The following CSMD1 variants were observed in gnomAD, a reference collection of about 807,000 sequenced individuals.
CSMD1 encodes CUB and sushi domain-containing protein 1.
A neutral mutation model predicts 417.5 loss-of-function variants in CSMD1; 213 were observed. The ratio of observed to expected loss-of-function variants is 0.51; its 90% CI spans 0.46 to 0.57. The LOEUF (loss-of-function observed/expected upper bound fraction) is 0.57, where lower values mean the gene tolerates loss of function less well. CSMD1 is among the 20% of genes least tolerant of loss of function. CSMD1 has a pLI of 0.00. For synonymous variants in CSMD1, 2,862 were observed against 1,736.8 expected (o/e 1.65, Z -16.11); for missense variants, 6,923 against 4,529.7 (o/e 1.53, Z -15.17).
At chr8:4,026,110 A>T (rs1797052422) in intron 4 of CSMD1, among the ~76,000 whole-genome samples, 1 of 152,148 alleles carries the variant, frequency 6.6e-6, no homozygotes, top group African/African-American at 2.4e-5. Context: ...CGTGTGAATT[A>T]TCTCAGTCCA....
At chr8:4,727,757 T>G (rs184956931) in intron 1 of CSMD1, among the ~76,000 whole-genome samples, 1 of 151,978 alleles carries the variant, frequency 6.6e-6, no homozygotes, top group East Asian at 1.9e-4. Context: ...GAATCTCAGT[T>G]AAGGGCTGCT....
At chr8:3,598,433 G>T (rs920437837) in intron 8 of CSMD1, 7 of 152,138 alleles carry the variant, frequency 4.6e-5, no homozygotes, top group Admixed American at 3.9e-4. Context: ...TTTCCCTCAG[G>T]GTTTTTACAC....
At chr8:3,806,441 A>C (rs1168639085) in intron 5 of CSMD1, among the ~76,000 whole-genome samples, 1 of 152,214 alleles carries the variant, frequency 6.6e-6, no homozygotes, top group Non-Finnish European at 1.5e-5. Flanking sequence ...CATGGCCTGA[A>C]TAATGAAGGC....
intron 1 of CSMD1, among the ~76,000 whole-genome samples, chr8:4,827,686 C>G (rs376978693): frequency 9.9e-5 from 15 of 152,152 alleles, no homozygotes; most frequent in African/African-American, 3.6e-4. Context: ...TGAAAAACAT[C>G]CATTGAGTAG....
chr8:3,717,486 C>A lies in CSMD1; in HGVS notation c.932-8995G>T, dbSNP rs180806207. Among the ~76,000 whole-genome samples, 5 of 152,090 alleles carry A rather than the reference C, an allele frequency of 3.3e-5. No individual in the cohort carries two copies. In the East Asian group the frequency reaches 9.7e-4, roughly 29 times the overall value. Reference sequence around the variant, plus strand: ...ATGAAGATATTGTTGTAGGACGTTCCCCTTAGTTCAGCTAAAAACAGGGTC... The same window carrying A: ...ATGAAGATATTGTTGTAGGACGTTCACCTTAGTTCAGCTAAAAACAGGGTC... On this transcript the variant is annotated intron_variant, in intron 6 of 69. Transcript: ENST00000635120.
chr8:4,305,289 G>T (rs996929084), intron 3 of CSMD1, among the ~76,000 whole-genome samples: 11 of 152,288 alleles, frequency 7.2e-5, no homozygotes, highest in Non-Finnish European at 1.2e-4. Context: ...AGCTGCATCA[G>T]CCTCCCGCTA....
At chr8:4,412,299 T>C (rs1796693185) in intron 3 of CSMD1, among the ~76,000 whole-genome samples, 1 of 152,114 alleles carries the variant, frequency 6.6e-6, no homozygotes, top group South Asian at 2.1e-4. Context: ...TCCTCTCGGT[T>C]GCTCTCCTGG....
At chr8:3,820,604 C>T (rs766834464) in intron 5 of CSMD1, among the ~76,000 whole-genome samples, 3 of 152,164 alleles carry the variant, frequency 2.0e-5, no homozygotes, top group Non-Finnish European at 4.4e-5. Context: ...GAGATGGAGT[C>T]TTGCTCTCTT....
intron 42 of CSMD1, among the ~76,000 whole-genome samples, chr8:3,115,975 A>G (rs999070216): frequency 6.6e-6 from 1 of 152,238 alleles, no homozygotes; most frequent in Admixed American, 6.5e-5. Flanking sequence ...TTAATAAAAT[A>G]CATGTTACAT....
intron 3 of CSMD1, among the ~76,000 whole-genome samples, chr8:4,071,537 G>A (rs1358956012): frequency 6.6e-6 from 1 of 151,946 alleles, no homozygotes; most frequent in African/African-American, 2.4e-5. Context: ...TGTAATAACA[G>A]CTGCATTAAA....
In CSMD1 at chr8:4,419,952, C is replaced by T; in HGVS notation, c.415+1G>A. On this transcript the variant is annotated splice_donor_variant, in intron 3 of 69. Coordinates refer to ENST00000635120, the MANE Select transcript of CSMD1 (RefSeq NM_033225.6). LOFTEE classifies it high-confidence loss of function. Reference sequence around the variant, plus strand: ...TGTGCAAAACACAACCAATCTCCTACCTTCATATAATGCTTTGAAACCTTG... The same window carrying T: ...TGTGCAAAACACAACCAATCTCCTATCTTCATATAATGCTTTGAAACCTTG... The T allele has an allele frequency of 1.3e-6, 2 of 1,558,842 alleles. No homozygotes were observed. Among genetic ancestry groups the T allele is most frequent in the Non-Finnish European group, 8.7e-7 (1 of 1,145,746 alleles).
chr8:3,912,966 A>C (rs1309647015), intron 5 of CSMD1, among the ~76,000 whole-genome samples: 1 of 152,138 alleles, frequency 6.6e-6, no homozygotes, highest in African/African-American at 2.4e-5. Flanking sequence ...GAGAGGAGTA[A>C]CCAAATGTGA....
At chr8:2,997,611 GT>G (rs1563219356) in intron 54 of CSMD1, among the ~76,000 whole-genome samples, 1 of 152,060 alleles carries the variant, frequency 6.6e-6, no homozygotes, top group African/African-American at 2.4e-5. Context: ...CTGTGACTAC[GT>G]TTAAAGAAAT....
chr8:3,206,333 ATGTG>A (rs1472668287), intron 30 of CSMD1, among the ~76,000 whole-genome samples: 1 of 91,064 alleles, frequency 1.1e-5, no homozygotes, highest in East Asian at 3.5e-4. Context: ...GTATGTGTGT[ATGTG>A]TGTTTGGGGT....
At chr8:4,335,691 C>G (rs541628827) in intron 3 of CSMD1, among the ~76,000 whole-genome samples, 4 of 152,126 alleles carry the variant, frequency 2.6e-5, no homozygotes, top group African/African-American at 9.6e-5. Context: ...AAAATTGTTA[C>G]AGAATATAGT....
At chr8:4,468,765 G>A (rs1030025134) in intron 2 of CSMD1, among the ~76,000 whole-genome samples, 1 of 152,164 alleles carries the variant, frequency 6.6e-6, no homozygotes, top group Non-Finnish European at 1.5e-5. Context: ...GTCTGAATCA[G>A]CTTAGCATGT....
Position 4,408,913 on chromosome 8 carries a change from G to A in CSMD1, c.415+11040C>T, listed in dbSNP as rs78506685. On this transcript the variant is annotated intron_variant, in intron 3 of 69. Transcript: ENST00000635120. ...GATAGTAAACCATCAACTTTAGGTA[G>A]CAAGAACATCAGAAATCATAAATTT... is the stretch of plus-strand genomic sequence containing the variant. Among the ~76,000 whole-genome samples the A allele has an allele frequency of 1.2e-4, 18 of 152,240 alleles. No homozygotes were observed. In the South Asian group the frequency reaches 3.5e-3, roughly 30 times the overall value.
chr8:4,288,537 G>C (rs1226079730), intron 3 of CSMD1, among the ~76,000 whole-genome samples: 5 of 152,134 alleles, frequency 3.3e-5, no homozygotes, highest in African/African-American at 4.8e-5. Flanking sequence ...ACCACATCCT[G>C]TCCTTATGAC....
chr8:3,962,700 G>A (rs2740824), intron 5 of CSMD1, among the ~76,000 whole-genome samples: 2 of 151,996 alleles, frequency 1.3e-5, no homozygotes, highest in African/African-American at 4.8e-5. Flanking sequence ...TGGTGCAGAG[G>A]TGCGGCCCTT....
Sources: allele counts gnomAD v4.1 joint callset (sites outside exome capture counted in the v4.1 genomes callset), GRCh38; gene constraint gnomAD v4.1.1; transcripts MANE v1.5; gene names NCBI Gene and HGNC (gene_info 2026-07-23, HGNC 2026-07-21).